PDE4B: variants seen among roughly 807,000 people sequenced by gnomAD.
PDE4B encodes phosphodiesterase 4B.
Under a neutral mutation model 82.2 loss-of-function variants are expected in PDE4B, and 20 were observed. The observed-to-expected ratio is 0.24, with a 90% CI of 0.17 to 0.35. PDE4B has a LOEUF of 0.35. Among genes scored for constraint, PDE4B ranks in the 10% least tolerant of loss-of-function variants. PDE4B has a pLI of 1.00. For missense variants in PDE4B, 655 were observed against 907.2 expected (o/e 0.72, Z 3.57); for synonymous variants, 320 against 318.9 (o/e 1.00, Z -0.04).
At chr1:65,987,133 A>G (rs1300761065) in intron 3 of PDE4B, among the ~76,000 whole-genome samples, 1 of 152,134 alleles carries the variant, frequency 6.6e-6, no homozygotes, top group Non-Finnish European at 1.5e-5. Context: ...ACTCTAGGTG[A>G]TGAGGTGTCA....
intron 3 of PDE4B, among the ~76,000 whole-genome samples, chr1:65,964,091 G>A (rs1649684632): frequency 6.6e-6 from 1 of 152,008 alleles, no homozygotes; most frequent in Non-Finnish European, 1.5e-5. Flanking sequence ...ATTGTTAAAT[G>A]ATTGATATAA....
In PDE4B at chr1:66,333,900, C is replaced by T. The variant is rs1660316261; in HGVS notation, c.747+1280C>T. On this transcript the variant is annotated intron_variant, in intron 8 of 16. Transcript: ENST00000341517. ...GAAGGGAAAAAAAAAGAAAAGAACA[C>T]ATTTGAGGATTAACTATTTATTGAC... Among the ~76,000 whole-genome samples the T allele has an allele frequency of 2.6e-5, 4 of 152,112 alleles. No individual in the cohort carries two copies. The South Asian group carries it at 8.3e-4, about 32-fold the overall frequency.
chr1:65,961,837 GA>G (rs1649556594), intron 3 of PDE4B, among the ~76,000 whole-genome samples: 2 of 152,262 alleles, frequency 1.3e-5, no homozygotes, highest in African/African-American at 4.8e-5. Flanking sequence ...TGGGAGTGGA[GA>G]GAGAATTTCC....
chr1:66,099,574 A>G (rs565689122), intron 3 of PDE4B, among the ~76,000 whole-genome samples: 1 of 152,280 alleles, frequency 6.6e-6, no homozygotes, highest in African/African-American at 2.4e-5. Flanking sequence ...TTTTAAAACA[A>G]TGAGTGAATA....
intron 9 of PDE4B, among the ~76,000 whole-genome samples, chr1:66,361,026 C>G (rs1472845527): frequency 6.6e-6 from 1 of 152,058 alleles, no homozygotes; most frequent in Non-Finnish European, 1.5e-5. Context: ...ATAAACCAAG[C>G]CCTTAAAGTA....
intron 3 of PDE4B, among the ~76,000 whole-genome samples, chr1:66,197,874 CTG>C (rs1648470671): frequency 6.6e-6 from 1 of 152,152 alleles, no homozygotes; most frequent in Non-Finnish European, 1.5e-5. Context: ...CTGTATATTT[CTG>C]TTCAAAATTT....
intron 3 of PDE4B, among the ~76,000 whole-genome samples, chr1:65,924,417 A>G (rs1443110080): frequency 6.6e-6 from 1 of 151,556 alleles, no homozygotes; most frequent in Non-Finnish European, 1.5e-5. Context: ...TATTAAACCT[A>G]TTATATTTTT....
intron 8 of PDE4B, among the ~76,000 whole-genome samples, chr1:66,351,951 C>T (rs1329057443): frequency 1.3e-5 from 2 of 152,144 alleles, no homozygotes; most frequent in East Asian, 1.9e-4. Context: ...TCTACATATA[C>T]TAGAATGTAA....
chr1:66,111,690 A>G (rs1212150689), intron 3 of PDE4B, among the ~76,000 whole-genome samples: 3 of 152,214 alleles, frequency 2.0e-5, no homozygotes, highest in African/African-American at 7.2e-5. Flanking sequence ...TTTGAGAAGA[A>G]AGGCACTGTC....
intron 1 of PDE4B, among the ~76,000 whole-genome samples, chr1:65,858,496 C>T (rs950668279): frequency 2.6e-5 from 4 of 152,142 alleles, no homozygotes; most frequent in Non-Finnish European, 5.9e-5. Context: ...TAAAACATAG[C>T]TTGATGACAA....
intron 3 of PDE4B, among the ~76,000 whole-genome samples, chr1:66,238,400 T>C (rs1292267247): frequency 6.6e-6 from 1 of 151,972 alleles, no homozygotes; most frequent in African/African-American, 2.4e-5. Flanking sequence ...TGGCAAGGAG[T>C]TTGGATTTTA....
At chr1:65,878,555 A>T (rs1338291159) in intron 1 of PDE4B, among the ~76,000 whole-genome samples, 1 of 152,260 alleles carries the variant, frequency 6.6e-6, no homozygotes, top group Non-Finnish European at 1.5e-5. Flanking sequence ...GCAGCCATAA[A>T]AAAGGATGAG....
intron 3 of PDE4B, among the ~76,000 whole-genome samples, chr1:66,146,444 A>T (rs190808063): frequency 6.6e-6 from 1 of 151,914 alleles, no homozygotes; most frequent in Non-Finnish European, 1.5e-5. Flanking sequence ...TCGGCCTCCC[A>T]AAGTGCTGGG....
chr1:65,874,392 A>G (rs1176405987), intron 1 of PDE4B, among the ~76,000 whole-genome samples: 1 of 152,106 alleles, frequency 6.6e-6, no homozygotes, highest in African/African-American at 2.4e-5. Flanking sequence ...CTCTTTTCCT[A>G]ATTGAATACC....
chr1:66,269,866 G>A (rs1461455652), intron 7 of PDE4B, among the ~76,000 whole-genome samples: 1 of 152,212 alleles, frequency 6.6e-6, no homozygotes, highest in African/African-American at 2.4e-5. Flanking sequence ...TCATGTAAAT[G>A]TGACTTGATG....
intron 3 of PDE4B, among the ~76,000 whole-genome samples, chr1:66,092,751 C>T (rs547948110): frequency 1.3e-5 from 2 of 151,924 alleles, no homozygotes. Context: ...CCTAGGTAAG[C>T]ATAACTGGGA....
chr1:65,941,631 A>G (rs1218951672), intron 3 of PDE4B, among the ~76,000 whole-genome samples: 3 of 152,062 alleles, frequency 2.0e-5, no homozygotes. Flanking sequence ...TTCAAATACA[A>G]AACAGAAAAA....
At chr1:66,167,818 C>T (rs572015018) in intron 3 of PDE4B, among the ~76,000 whole-genome samples, 40 of 152,064 alleles carry the variant, frequency 2.6e-4, no homozygotes, top group Non-Finnish European at 4.6e-4. Context: ...TCTCCTTATC[C>T]AATATTCCTA....
chr1:66,084,150 TAC>T (rs1269546738), intron 3 of PDE4B, among the ~76,000 whole-genome samples: 1 of 151,666 alleles, frequency 6.6e-6, no homozygotes, highest in African/African-American at 2.4e-5. Context: ...AACAAGAGAG[TAC>T]ATGTTGGGGT....
Sources: allele counts gnomAD v4.1 joint callset (sites outside exome capture counted in the v4.1 genomes callset), GRCh38; gene constraint gnomAD v4.1.1; transcripts MANE v1.5; gene names NCBI Gene and HGNC (gene_info 2026-07-23, HGNC 2026-07-21).